FAM107A: variants seen among roughly 807,000 people sequenced by gnomAD.
The protein encoded by FAM107A is family with sequence similarity 107 member A.
Under a neutral mutation model 13.7 loss-of-function variants are expected in FAM107A, and 19 were observed. That is an observed-to-expected ratio of 1.38 (90% CI 0.97 to 2.03). FAM107A has a LOEUF of 2.03. FAM107A is among the 30% of genes most tolerant of loss of function. FAM107A has a pLI of 0.00. For synonymous variants in FAM107A, 82 were observed against 74.5 expected (o/e 1.10, Z -0.52); for missense variants, 203 against 184.4 (o/e 1.10, Z -0.58).
intron 1 of FAM107A, among the ~76,000 whole-genome samples, chr3:58,585,191 G>T (rs1042530139): frequency 5.9e-5 from 9 of 152,326 alleles, no homozygotes; most frequent in Admixed American, 2.6e-4. Context: ...TAGCTAAGAG[G>T]TGAGGGGGAA....
intron 1 of FAM107A, among the ~76,000 whole-genome samples, chr3:58,597,324 T>G (rs2065715872): frequency 6.6e-6 from 1 of 152,198 alleles, no homozygotes; most frequent in South Asian, 2.1e-4. Context: ...ACAACATAGA[T>G]TTTTGGGGAC....
intron 1 of FAM107A, among the ~76,000 whole-genome samples, chr3:58,619,986 C>T (rs573823813): frequency 1.3e-5 from 2 of 152,172 alleles, no homozygotes; most frequent in South Asian, 2.1e-4. Context: ...TATGTCCCTT[C>T]CCCCCAGCCT....
intron 3 of FAM107A, 45 bp downstream of exon 3, chr3:58,567,163 C>T (rs186377896): frequency 3.7e-6 from 6 of 1,611,420 alleles, no homozygotes; most frequent in Non-Finnish European, 5.1e-6. Flanking sequence ...CCCTGGAGGA[C>T]AGCCCTGGAG....
intron 1 of FAM107A, among the ~76,000 whole-genome samples, chr3:58,624,067 C>T (rs2065985313): frequency 6.6e-6 from 1 of 152,136 alleles, no homozygotes; most frequent in Non-Finnish European, 1.5e-5. Context: ...GTGTCTGAGG[C>T]CCATGGAAGG....
At chr3:58,591,088 G>T (rs1227451856), upstream of FAM107A, among the ~76,000 whole-genome samples, 22 of 152,184 alleles carry the variant, frequency 1.4e-4, no homozygotes, top group Admixed American at 1.4e-3. This position sits in a 1 kb window ranked among gnomAD's most constrained non-coding sequence, Gnocchi z 4.3. Context: ...CACAACAAAG[G>T]CCTCTGTTCT....
At chr3:58,615,684 C>T (rs2108081652) in intron 1 of FAM107A, among the ~76,000 whole-genome samples, 1 of 151,998 alleles carries the variant, frequency 6.6e-6, no homozygotes, top group East Asian at 1.9e-4. Context: ...TTCCTTGAGC[C>T]CAGAAGTTGG....
chr3:58,584,500 CTT>C (rs2065582282), intron 1 of FAM107A, among the ~76,000 whole-genome samples: 1 of 152,154 alleles, frequency 6.6e-6, no homozygotes, highest in Admixed American at 6.5e-5. Flanking sequence ...TTTTCTACCT[CTT>C]TGTGGGGTAG....
chr3:58,582,175 C>T (rs1346452676), upstream of FAM107A, among the ~76,000 whole-genome samples: 2 of 152,208 alleles, frequency 1.3e-5, no homozygotes, highest in Admixed American at 6.5e-5. Flanking sequence ...ATTTGAATTT[C>T]TAATGAGCAC....
chr3:58,590,595 A>C (rs1256000268), upstream of FAM107A, among the ~76,000 whole-genome samples: 1 of 152,224 alleles, frequency 6.6e-6, no homozygotes, highest in Non-Finnish European at 1.5e-5. Flanking sequence ...ATTATGGTGA[A>C]AAGTGAAGGG....
At chr3:58,606,388 G>A (rs994099296) in intron 1 of FAM107A, among the ~76,000 whole-genome samples, 3 of 152,216 alleles carry the variant, frequency 2.0e-5, no homozygotes, top group Admixed American at 1.3e-4. Flanking sequence ...GAGCCACCAT[G>A]CCCGGCCTAT....
chr3:58,603,714 G>A (rs971260157), intron 1 of FAM107A, among the ~76,000 whole-genome samples: 1 of 152,164 alleles, frequency 6.6e-6, no homozygotes, highest in African/African-American at 2.4e-5. Flanking sequence ...AACCCCCAAA[G>A]TATCTCTAAG....
chr3:58,624,025 C>T (rs1269124053), intron 1 of FAM107A, among the ~76,000 whole-genome samples: 1 of 152,162 alleles, frequency 6.6e-6, no homozygotes, highest in Non-Finnish European at 1.5e-5. Context: ...GGACGGCGTG[C>T]CCACACTCTG....
chr3:58,577,619 T>A (rs577923624), upstream of FAM107A: 5 of 985,262 alleles, frequency 5.1e-6, no homozygotes, highest in Middle Eastern at 5.2e-4. This position sits in a 1 kb window ranked among gnomAD's most constrained non-coding sequence, Gnocchi z 4.9. Context: ...TTTTGTCAGA[T>A]TGATGAGGAA....
intron 1 of FAM107A, among the ~76,000 whole-genome samples, chr3:58,571,775 G>A (rs2063686363): frequency 2.0e-5 from 3 of 152,134 alleles, no homozygotes; most frequent in Non-Finnish European, 4.4e-5. Context: ...TCCTTCCCGT[G>A]ACCTCAGCTC....
At chr3:58,588,966 C>T (rs73091458), upstream of FAM107A, among the ~76,000 whole-genome samples, 1 of 152,096 alleles carries the variant, frequency 6.6e-6, no homozygotes, top group Non-Finnish European at 1.5e-5. Flanking sequence ...GATGGTTATG[C>T]CCCTTTTACA....
chr3:58,571,537 C>T (rs78909402), intron 1 of FAM107A, among the ~76,000 whole-genome samples: 7,366 of 152,084 alleles, frequency 0.048, 372 homozygotes, highest in African/African-American at 0.13. Flanking sequence ...CATAATAGTA[C>T]TTAGAGTTAC....
At chr3:58,614,553 A>G (rs1460437791) in intron 1 of FAM107A, among the ~76,000 whole-genome samples, 1 of 144,958 alleles carries the variant, frequency 6.9e-6, no homozygotes, top group Non-Finnish European at 1.5e-5. Context: ...CGCTCAGGCT[A>G]GAGTGTGATG....
At chr3:58,590,353 G>A (rs905349363), upstream of FAM107A, among the ~76,000 whole-genome samples, 1 of 152,166 alleles carries the variant, frequency 6.6e-6, no homozygotes, top group African/African-American at 2.4e-5. Flanking sequence ...TCCAAGCCTG[G>A]TGAGTCCACC....
At chr3:58,623,495 A>G (rs1270107620) in intron 1 of FAM107A, among the ~76,000 whole-genome samples, 2 of 152,318 alleles carry the variant, frequency 1.3e-5, no homozygotes, top group East Asian at 1.9e-4. Flanking sequence ...CTGAGCACCC[A>G]CTGAGTGCTG....
Sources: gnomAD v4.1 joint callset for allele counts (sites outside exome capture counted in the v4.1 genomes callset) on GRCh38, gnomAD v4.1.1 for gene constraint, Gnocchi (gnomAD v3.1) non-coding constraint, MANE v1.5 for transcripts, NCBI Gene and HGNC (gene_info 2026-07-23, HGNC 2026-07-21) for gene names.